AMMECR1: variants seen among roughly 807,000 people sequenced by gnomAD.
The protein encoded by AMMECR1 is nuclear protein AMMECR1.
A neutral mutation model predicts 22.5 loss-of-function variants in AMMECR1; 3 were observed. The ratio of observed to expected loss-of-function variants is 0.13; its 90% CI spans 0.06 to 0.35. AMMECR1 has a LOEUF of 0.35. AMMECR1 is among the 10% of genes least tolerant of loss of function. AMMECR1 has a pLI of 1.00. For missense variants in AMMECR1, 235 were observed against 278.7 expected, an observed-to-expected ratio of 0.84 and a Z score of 1.12; for synonymous variants, 130 against 116.7, an observed-to-expected ratio of 1.11 and a Z score of -0.74.
At chrX:110,267,865 G>A (rs1222793119) in intron 1 of AMMECR1, among the ~76,000 whole-genome samples, 1 of 111,799 alleles carries the variant, frequency 8.9e-6, no homozygotes, top group Non-Finnish European at 1.9e-5. Flanking sequence ...TATGAAATAC[G>A]TTGTAGGGCA....
At chrX:110,349,202 G>C (rs2068202103) in intron 2 of AMMECR1, among the ~76,000 whole-genome samples, 1 of 112,241 alleles carries the variant, frequency 8.9e-6, no homozygotes, top group Non-Finnish European at 1.9e-5. Flanking sequence ...CTAAATCTCA[G>C]AGAGATTAAT....
chrX:110,320,458 G>A (rs948690379), upstream of AMMECR1, among the ~76,000 whole-genome samples: 2 of 112,126 alleles, frequency 1.8e-5, no homozygotes, highest in Middle Eastern at 4.2e-3. Flanking sequence ...AGCACAGGAA[G>A]CAAAGTAGGA....
chrX:110,231,867 T>G lies in AMMECR1; in HGVS notation c.585-15235A>C, dbSNP rs762837311. Among the ~76,000 whole-genome samples the G allele has an allele frequency of 6.3e-5, 7 of 111,032 alleles. No individual in the cohort carries two copies. In the East Asian group the frequency reaches 1.4e-3, roughly 22 times the overall value. The stretch of plus-strand genomic sequence containing the variant: ...CAAAAAAAAGCAGGGGTTGCAATCC[T>G]AGTCTCTGATAAATCAGATTTTAAA... On this transcript the variant is annotated intron_variant, in intron 2 of 5. Transcript: ENST00000262844.
chrX:110,372,676 A>G (rs1473076776), intron 2 of AMMECR1, among the ~76,000 whole-genome samples: 2 of 112,140 alleles, frequency 1.8e-5, no homozygotes. Context: ...TAAAAGCAAC[A>G]CAACTTAAAA....
intron 4 of AMMECR1, among the ~76,000 whole-genome samples, 161 bp downstream of exon 4, chrX:110,202,285 C>T (rs1481446541): frequency 2.7e-5 from 3 of 112,095 alleles, no homozygotes; most frequent in Non-Finnish European, 3.8e-5. Context: ...AGTACTTCAC[C>T]GACTTGATAC....
At chrX:110,380,273 A>T (rs2068409481) in intron 2 of AMMECR1, among the ~76,000 whole-genome samples, 1 of 112,082 alleles carries the variant, frequency 8.9e-6, no homozygotes, top group Non-Finnish European at 1.9e-5. Flanking sequence ...TCCTGAAGGG[A>T]CAATAAAAGA....
intron 1 of AMMECR1, among the ~76,000 whole-genome samples, chrX:110,276,948 G>GAGCAGAACT (rs2067829118): frequency 9.0e-6 from 1 of 110,826 alleles, no homozygotes; most frequent in South Asian, 3.9e-4. Flanking sequence ...ACAATGCTGT[G>GAGCAGAACT]GTCTAGAAAC....
intron 2 of AMMECR1, among the ~76,000 whole-genome samples, chrX:110,420,271 TC>T (rs1193726361): frequency 3.6e-5 from 4 of 112,188 alleles, no homozygotes; most frequent in Non-Finnish European, 7.5e-5. Flanking sequence ...CATTTTTGCT[TC>T]CCCTGTGCCT....
At chrX:110,393,236 C>G (rs943670137) in intron 2 of AMMECR1, among the ~76,000 whole-genome samples, 1 of 111,010 alleles carries the variant, frequency 9.0e-6, no homozygotes, top group African/African-American at 3.3e-5. Context: ...ACTTCCAGGA[C>G]CCTCATTTTC....
At chrX:110,304,219 T>C (rs1292264089) in intron 1 of AMMECR1, among the ~76,000 whole-genome samples, 3 of 112,035 alleles carry the variant, frequency 2.7e-5, no homozygotes, top group Non-Finnish European at 5.6e-5. Flanking sequence ...ACATTCCCAT[T>C]AGCCTAATCT....
At chrX:110,252,319 A>C (rs766873077) in intron 2 of AMMECR1, among the ~76,000 whole-genome samples, 6 of 111,278 alleles carry the variant, frequency 5.4e-5, no homozygotes, top group Non-Finnish European at 9.4e-5. Flanking sequence ...ATGGTGGCTC[A>C]CACCTGTAAT....
At chrX:110,298,936 C>T (rs749720497) in intron 1 of AMMECR1, among the ~76,000 whole-genome samples, 3 of 111,663 alleles carry the variant, frequency 2.7e-5, no homozygotes, top group East Asian at 5.6e-4. Context: ...ACATACAATC[C>T]GCAATTTCAG....
rs1465697086 is a variant in AMMECR1 at position 110,318,068 on chromosome X, C to T, written c.4G>A (p.Ala2Thr). The T allele has an allele frequency of 8.4e-7, 1 of 1,195,252 alleles. No homozygotes were observed. Among genetic ancestry groups the T allele is most frequent in the African/African-American group, 1.8e-5 (1 of 56,820 alleles). Residue 2 changes from alanine (A) to threonine (T), a missense_variant, in exon 1 of 6, where the codon GCG (alanine) becomes ACG (threonine). Coordinates refer to ENST00000262844, the MANE Select transcript of AMMECR1 (RefSeq NM_015365.3). ...TTCTTCACCCCGCAGCAACCCGCCG[C>T]CATCTTGGAACAGTCTCCCCCACGC... M[A>T]AGCCGVKKQK... is the part of the protein sequence containing the mutation.
At chrX:110,358,308 G>C (rs2068241044) in intron 2 of AMMECR1, among the ~76,000 whole-genome samples, 1 of 111,536 alleles carries the variant, frequency 9.0e-6, no homozygotes, top group Admixed American at 9.6e-5. Context: ...GGGTCAAATT[G>C]AGATGACAGA....
chrX:110,251,198 C>T (rs1373150974), intron 2 of AMMECR1, among the ~76,000 whole-genome samples: 3 of 112,006 alleles, frequency 2.7e-5, no homozygotes, highest in African/African-American at 9.7e-5. Context: ...TACTGTGGAG[C>T]GCAATTTCAA....
At chrX:110,409,085 G>T (rs1190171649) in intron 2 of AMMECR1, among the ~76,000 whole-genome samples, 3 of 111,595 alleles carry the variant, frequency 2.7e-5, no homozygotes, top group African/African-American at 9.8e-5. Flanking sequence ...ATTAACTGAG[G>T]TGCTTATAAA....
At chrX:110,424,661 A>G (rs1412717688) in intron 2 of AMMECR1, among the ~76,000 whole-genome samples, 2 of 112,107 alleles carry the variant, frequency 1.8e-5, no homozygotes, top group African/African-American at 6.5e-5. Flanking sequence ...ATACACTTGA[A>G]TTTATTAAAT....
chrX:110,281,375 T>C (rs2067851565), intron 1 of AMMECR1, among the ~76,000 whole-genome samples: 1 of 112,480 alleles, frequency 8.9e-6, no homozygotes, highest in Admixed American at 9.4e-5. Context: ...CTTTTTATGC[T>C]GTGTTTTGTT....
At chrX:110,378,008 C>CAAAAAAAAAAAAAAA (rs755483656) in intron 2 of AMMECR1, among the ~76,000 whole-genome samples, 4 of 30,948 alleles carry the variant, frequency 1.3e-4, no homozygotes, top group African/African-American at 5.5e-4. Context: ...GACTCCGTCT[C>CAAAAAAAAAAAAAAA]AAAAAAAAAA....
Sources: allele counts gnomAD v4.1 joint callset (sites outside exome capture counted in the v4.1 genomes callset), GRCh38; gene constraint gnomAD v4.1.1; transcripts MANE v1.5; gene names NCBI Gene and HGNC (gene_info 2026-07-23, HGNC 2026-07-21).